SLC35D4: variants seen among roughly 807,000 people sequenced by gnomAD.
SLC35D4 encodes UDP-N-acetylglucosamine transporter SLC35D4.
the SLC35D4 span, among the ~76,000 whole-genome samples, chr18:23,390,569 AC>A: frequency 6.6e-6 from 1 of 152,144 alleles, no homozygotes; most frequent in African/African-American, 2.4e-5. Flanking sequence ...GGTAACTCTC[AC>A]TCAGAAATAT....
the SLC35D4 span, among the ~76,000 whole-genome samples, chr18:23,405,056 C>T: frequency 1.3e-4 from 19 of 147,512 alleles, no homozygotes; most frequent in African/African-American, 4.0e-4. Context: ...CTTCTTGTAC[C>T]AAGTGAGGAT....
At chr18:23,419,398 T>C in the SLC35D4 span, among the ~76,000 whole-genome samples, 10 of 152,206 alleles carry the variant, frequency 6.6e-5, no homozygotes, top group Admixed American at 3.3e-4. Context: ...GTTCAAGCGA[T>C]TCTCCTGCCT....
chr18:23,270,782 C>A, the SLC35D4 span, among the ~76,000 whole-genome samples: 2 of 152,220 alleles, frequency 1.3e-5, no homozygotes, highest in African/African-American at 4.8e-5. Context: ...TACTGCAATT[C>A]CCCAGTCTTG....
chr18:23,351,900 C>A, the SLC35D4 span, among the ~76,000 whole-genome samples: 1 of 152,212 alleles, frequency 6.6e-6, no homozygotes, highest in Non-Finnish European at 1.5e-5. Flanking sequence ...CACCTTGGAT[C>A]GACTGAGTCC....
the SLC35D4 span, among the ~76,000 whole-genome samples, chr18:23,411,410 GGA>G: frequency 1.3e-5 from 2 of 148,618 alleles, no homozygotes; most frequent in Non-Finnish European, 3.0e-5. Flanking sequence ...AGAAGGGAAT[GGA>G]GAGAGAAAGA....
At chr18:23,409,803 C>G in the SLC35D4 span, among the ~76,000 whole-genome samples, 1 of 150,148 alleles carries the variant, frequency 6.7e-6, no homozygotes, top group South Asian at 2.1e-4. Flanking sequence ...GAGATCGCAC[C>G]ATTGCACTCC....
At chr18:23,284,056 TGA>T in the SLC35D4 span, among the ~76,000 whole-genome samples, 1 of 152,134 alleles carries the variant, frequency 6.6e-6, no homozygotes, top group Non-Finnish European at 1.5e-5. Flanking sequence ...ACAGTGCTGG[TGA>T]GAGTGTGTTT....
the SLC35D4 span, among the ~76,000 whole-genome samples, chr18:23,295,322 C>T: frequency 6.6e-6 from 1 of 151,544 alleles, no homozygotes; most frequent in Non-Finnish European, 1.5e-5. Flanking sequence ...CACACATTTA[C>T]CTACGTAACA....
the SLC35D4 span, among the ~76,000 whole-genome samples, chr18:23,241,507 G>A: frequency 6.6e-6 from 1 of 152,182 alleles, no homozygotes; most frequent in Non-Finnish European, 1.5e-5. Context: ...TTCAGCCTGG[G>A]CGACAAGCGA....
chr18:23,247,412 A>AGTGTGAGGCTG, the SLC35D4 span, among the ~76,000 whole-genome samples: 26 of 152,236 alleles, frequency 1.7e-4, no homozygotes, highest in African/African-American at 6.3e-4. Context: ...GGTGCAGAGC[A>AGTGTGAGGCTG]GTGGCCTCAA....
chr18:23,274,109 A>AT, the SLC35D4 span, among the ~76,000 whole-genome samples: 365 of 151,820 alleles, frequency 2.4e-3, 2 homozygotes, highest in Admixed American at 0.012. Flanking sequence ...TAGTTTTTAA[A>AT]TTTTTTTGTA....
At chr18:23,404,895 A>G in the SLC35D4 span, among the ~76,000 whole-genome samples, 3 of 147,322 alleles carry the variant, frequency 2.0e-5, no homozygotes, top group Admixed American at 6.9e-5. Flanking sequence ...CTGAGGCAGG[A>G]GAATTGATTG....
chr18:23,362,994 A>C, the SLC35D4 span, among the ~76,000 whole-genome samples: 1 of 152,064 alleles, frequency 6.6e-6, no homozygotes, highest in African/African-American at 2.4e-5. Context: ...TAATCCCTGC[A>C]CTTTGGGAGG....
At chr18:23,352,818 T>C in the SLC35D4 span, among the ~76,000 whole-genome samples, 1 of 151,906 alleles carries the variant, frequency 6.6e-6, no homozygotes. Flanking sequence ...CCATAGGAGG[T>C]ATGCTTTGGA....
the SLC35D4 span, chr18:23,399,751 G>T: frequency 9.3e-7 from 1 of 1,080,246 alleles, no homozygotes; most frequent in East Asian, 2.6e-5. Flanking sequence ...AACAACAGAG[G>T]CTGTCTAAAA....
the SLC35D4 span, among the ~76,000 whole-genome samples, chr18:23,276,754 T>G: frequency 0.28 from 42,196 of 152,108 alleles, 9,124 homozygotes; most frequent in African/African-American, 0.59. Flanking sequence ...GCTGCCTGGT[T>G]ACTGAGGGAG....
chr18:23,248,510 G>GTTTTTTTTTTT, the SLC35D4 span, among the ~76,000 whole-genome samples: 1 of 92,354 alleles, frequency 1.1e-5, no homozygotes, highest in Non-Finnish European at 2.1e-5. Flanking sequence ...AAGACCCTAT[G>GTTTTTTTTTTT]TCTTTTTTTT....
At chr18:23,296,723 A>G in the SLC35D4 span, 3 of 152,086 alleles carry the variant, frequency 2.0e-5, no homozygotes, top group Non-Finnish European at 4.4e-5. Flanking sequence ...TTTAAGAAAT[A>G]TAAATATAAA....
At chr18:23,399,530 G>A in the SLC35D4 span, 1 of 1,584,264 alleles carries the variant, frequency 6.3e-7, no homozygotes, top group African/African-American at 1.3e-5. Context: ...GGGAAAGGGA[G>A]AGAGGAGTTG....
Sources: gnomAD v4.1 joint callset for allele counts (sites outside exome capture counted in the v4.1 genomes callset) on GRCh38, gnomAD v4.1.1 for gene constraint, MANE v1.5 for transcripts, NCBI Gene and HGNC (gene_info 2026-07-23, HGNC 2026-07-21) for gene names.